Variants in LRRC9 observed in about 807,000 individuals in gnomAD.
LRRC9 encodes the protein leucine rich repeat containing 9, also known as leucine-rich repeat-containing protein 9.
In LRRC9, 122 loss-of-function variants were observed where a neutral mutation model predicts 63.2. That is an observed-to-expected ratio of 1.93 (90% CI 1.67 to 2.24). LRRC9 has a LOEUF of 2.24. Among genes scored for constraint, LRRC9 ranks in the 30% most tolerant of loss-of-function variants. The pLI is 0.00. For missense variants in LRRC9, 1,071 were observed against 627.7 expected (o/e 1.71, Z -7.55); for synonymous variants, 366 against 213.1 (o/e 1.72, Z -6.25).
intron 29 of LRRC9, among the ~76,000 whole-genome samples, chr14:60,040,701 A>G (rs570661397): frequency 6.6e-6 from 1 of 151,860 alleles, no homozygotes; most frequent in African/African-American, 2.4e-5. Context: ...AATGGGTCTT[A>G]ACTCTTTATC....
chr14:60,026,689 G>C (rs1468331095), intron 27 of LRRC9, among the ~76,000 whole-genome samples: 2 of 151,978 alleles, frequency 1.3e-5, no homozygotes, highest in Non-Finnish European at 2.9e-5. Flanking sequence ...ATGAGAGATA[G>C]GGGTCAAGTT....
At chr14:59,956,500 C>T (rs1883768346) in intron 8 of LRRC9, among the ~76,000 whole-genome samples, 1 of 152,018 alleles carries the variant, frequency 6.6e-6, no homozygotes, top group Non-Finnish European at 1.5e-5. Context: ...GTAAATATTC[C>T]TCCATCCCTT....
chr14:60,045,189 T>C (rs969455648), intron 29 of LRRC9, among the ~76,000 whole-genome samples: 1 of 152,106 alleles, frequency 6.6e-6, no homozygotes, highest in African/African-American at 2.4e-5. Flanking sequence ...TTTCAGTCCA[T>C]GTGTATCTTT....
At chr14:59,952,765 C>T (rs1166588359) in intron 8 of LRRC9, among the ~76,000 whole-genome samples, 1 of 152,030 alleles carries the variant, frequency 6.6e-6, no homozygotes, top group Non-Finnish European at 1.5e-5. Context: ...AGGTTTTAAG[C>T]CCCGCATGCA....
chr14:59,987,600 C>A lies in LRRC9; in HGVS notation c.2211+2376C>A, dbSNP rs576674670. Among the ~76,000 whole-genome samples, 8 of 151,714 alleles carry A rather than the reference C, an allele frequency of 5.3e-5. No homozygotes were observed. The East Asian group carries it at 1.6e-3, about 30-fold the overall frequency. On this transcript the variant is annotated intron_variant, in intron 17 of 31. Coordinates refer to ENST00000445360, the Ensembl canonical transcript of LRRC9. ...TTAAGATACATCGCTATATGCCTCCCATCTTCTATATTTCCTGCAAATTGG... is the reference window on the plus strand; with the variant it reads ...TTAAGATACATCGCTATATGCCTCCAATCTTCTATATTTCCTGCAAATTGG...
rs1595000071 is a variant in LRRC9, at chr14:60,003,941, G to A, written c.2842+143G>A. The A allele has an allele frequency of 4.0e-6, 2 of 496,838 alleles. No homozygotes were observed. Among genetic ancestry groups the A allele is most frequent in the Non-Finnish European group, 7.0e-6 (2 of 285,030 alleles). The allele number at this position is 496,838 out of a possible 1,614,324, so 30.8% of individuals were successfully genotyped here. ...TTGTGGCAGGGTATTCTAAATACCTGTGTGAGGTAATGCAATTATTAGTTA... is the reference window on the plus strand; with the variant it reads ...TTGTGGCAGGGTATTCTAAATACCTATGTGAGGTAATGCAATTATTAGTTA... On this transcript the variant is annotated intron_variant, in intron 21 of 31. Transcript: ENST00000445360. The surrounding 1 kb of genome is among the most constrained non-coding windows in gnomAD (Gnocchi z 4.2).
At chr14:59,925,043 T>C (rs1159240) in intron 1 of LRRC9, among the ~76,000 whole-genome samples, 137,525 of 151,966 alleles carry the variant, frequency 0.9, 62,591 homozygotes, top group East Asian at 1. Context: ...CTGATCTTCT[T>C]TTTCCTCCCA....
chr14:59,944,619 A>G, exon 8 of LRRC9: 1 of 638,726 alleles, frequency 1.6e-6, no homozygotes, highest in African/African-American at 1.9e-5. Flanking sequence ...AATGTATTAT[A>G]ATATGCGTAT....
intron 10 of LRRC9, among the ~76,000 whole-genome samples, chr14:59,961,254 G>A (rs367763875): frequency 8.5e-5 from 13 of 152,144 alleles, no homozygotes; most frequent in Non-Finnish European, 1.8e-4. Flanking sequence ...TGCCATTACC[G>A]TGAGCCAACC....
Position 59,938,960 on chromosome 14 carries a change from C to T in LRRC9, c.726+388C>T, listed in dbSNP as rs58753555. Among the ~76,000 whole-genome samples the T allele has an allele frequency of 4.9e-3, 700 of 143,094 alleles. 6 individuals carry two copies. The highest frequency in any genetic ancestry group is 0.015 in the African/African-American group (574 of 37,936). The allele number at this position is 143,094 out of a possible 152,430, so 93.9% of individuals were successfully genotyped here. A position where few individuals can be genotyped will look rare whatever the true frequency, so the allele number is the denominator to read the frequency against. On this transcript the variant is annotated intron_variant, in intron 7 of 31. Transcript: ENST00000445360. This position sits in a 1 kb window ranked among gnomAD's most constrained non-coding sequence, Gnocchi z 4.2. ...ATATACATATACATACATATATACA[C>T]ACATATATACATATATACATATATA...
At chr14:59,949,635 A>C (rs1268606031) in intron 8 of LRRC9, among the ~76,000 whole-genome samples, 1 of 151,108 alleles carries the variant, frequency 6.6e-6, no homozygotes, top group Non-Finnish European at 1.5e-5. Flanking sequence ...GTGGGCATTT[A>C]GTGCTATAAA....
intron 23 of LRRC9, among the ~76,000 whole-genome samples, chr14:60,014,491 T>C (rs138760820): frequency 1.3e-5 from 2 of 152,212 alleles, no homozygotes; most frequent in African/African-American, 2.4e-5. Context: ...TCTTGCTTTC[T>C]CTTTTTATTT....
At chr14:59,929,926 G>A (rs1472126182) in intron 3 of LRRC9, among the ~76,000 whole-genome samples, 1 of 152,036 alleles carries the variant, frequency 6.6e-6, no homozygotes, top group African/African-American at 2.4e-5. Context: ...GCCTACTGAA[G>A]GTGGAGGGTG....
intron 31 of LRRC9, among the ~76,000 whole-genome samples, chr14:60,059,948 G>A (rs1236946824): frequency 4.6e-5 from 7 of 152,184 alleles, no homozygotes; most frequent in Non-Finnish European, 8.8e-5. Context: ...ATGCCATCTA[G>A]GACCTTCATA....
chr14:59,920,325 G>A (rs1300989687), intron 1 of LRRC9, 52 bp downstream of exon 1: 1 of 152,244 alleles, frequency 6.6e-6, no homozygotes, highest in East Asian at 1.9e-4. Context: ...GGGAGTCTTT[G>A]ATCCCCTCTT....
chr14:59,988,254 A>C (rs1285267650), intron 17 of LRRC9, among the ~76,000 whole-genome samples: 2 of 152,234 alleles, frequency 1.3e-5, no homozygotes, highest in African/African-American at 4.8e-5. Flanking sequence ...TCAGAAACAC[A>C]ATCCAGTTGG....
At chr14:60,054,696 T>C (rs1288375204) in intron 30 of LRRC9, among the ~76,000 whole-genome samples, 2 of 152,272 alleles carry the variant, frequency 1.3e-5, no homozygotes, top group East Asian at 1.9e-4. Context: ...CATCAAAAGA[T>C]TGATGAATGC....
At chr14:60,047,267 T>C (rs1303610897) in intron 29 of LRRC9, among the ~76,000 whole-genome samples, 1 of 152,162 alleles carries the variant, frequency 6.6e-6, no homozygotes, top group Non-Finnish European at 1.5e-5. Flanking sequence ...TTTTGCCTGA[T>C]TGTCCTGGCC....
chr14:60,039,507 C>G (rs893828033), intron 29 of LRRC9, among the ~76,000 whole-genome samples: 2 of 152,024 alleles, frequency 1.3e-5, no homozygotes, highest in African/African-American at 4.8e-5. Flanking sequence ...TGTGTGTGTC[C>G]AGGAATTTAT....
Sources: gnomAD v4.1 joint callset for allele counts (sites outside exome capture counted in the v4.1 genomes callset) on GRCh38, gnomAD v4.1.1 for gene constraint, Gnocchi (gnomAD v3.1) non-coding constraint, MANE v1.5 for transcripts, NCBI Gene and HGNC (gene_info 2026-07-23, HGNC 2026-07-21) for gene names.